Variants in PLAGL1 observed in about 807,000 individuals in gnomAD.
PLAGL1 encodes PLAG1 like zinc finger 1.
Under a neutral mutation model 4.6 loss-of-function variants are expected in PLAGL1, and 1 was observed. The ratio of observed to expected loss-of-function variants is 0.22; its 90% CI spans 0.08 to 1.03. The LOEUF is 1.03. PLAGL1 is among the 50% of genes least tolerant of loss of function. The pLI, the probability that PLAGL1 is intolerant of heterozygous loss-of-function variation, is 0.58. For synonymous variants in PLAGL1, 240 were observed against 237.8 expected, an observed-to-expected ratio of 1.01 and a Z score of -0.08; for missense variants, 464 against 570.4, an observed-to-expected ratio of 0.81 and a Z score of 1.90.
At chr6:143,987,437 C>CTGTTT (rs556596504) in intron 1 of PLAGL1, among the ~76,000 whole-genome samples, 1 of 73,940 alleles carries the variant, frequency 1.4e-5, no homozygotes, top group African/African-American at 5.2e-5. Context: ...ACCACACTGG[C>CTGTTT]TTTTTTTTTT....
At chr6:143,998,747 TG>T in intron 1 of PLAGL1, among the ~76,000 whole-genome samples, 1 of 152,124 alleles carries the variant, frequency 6.6e-6, no homozygotes, top group African/African-American at 2.4e-5. Flanking sequence ...GAACAGAGCT[TG>T]AAAAAAAATG....
chr6:144,010,224 G>C (rs1188740827), upstream of PLAGL1, among the ~76,000 whole-genome samples: 1 of 152,076 alleles, frequency 6.6e-6, no homozygotes, highest in Non-Finnish European at 1.5e-5. This position sits in a 1 kb window ranked among gnomAD's most constrained non-coding sequence, Gnocchi z 4.1. Context: ...ACTGGCATGA[G>C]ATGTTACCTG....
chr6:143,955,133 C>A lies in PLAGL1; in HGVS notation c.-325+5336G>T, dbSNP rs1038209748. ...ATAGAAGTGAAAATCATTACTAAAA[C>A]TTGAGGTGGTGGTTGTCTAGGCAGT... is the stretch of plus-strand genomic sequence containing the variant. On this transcript the variant is annotated intron_variant, in intron 6 of 7. Coordinates refer to ENST00000674357, the MANE Select transcript of PLAGL1 (RefSeq NM_001317162.2). The surrounding 1 kb of genome is among the most constrained non-coding windows in gnomAD (Gnocchi z 4.9). 6.6e-6 allele frequency among the ~76,000 whole-genome samples: 1 copy of A among 152,136 alleles called. No homozygotes were observed. The highest frequency in any genetic ancestry group is 2.4e-5 in the African/African-American group (1 of 41,422).
rs1780488284 is a variant in PLAGL1, at chr6:143,949,227, G to A, written c.-324-767C>T. On this transcript the variant is annotated intron_variant, in intron 6 of 7. Transcript: ENST00000674357. This position sits in a 1 kb window ranked among gnomAD's most constrained non-coding sequence, Gnocchi z 5.3. ...GCTACCTGCTGGTAGGCCACCTCCA[G>A]GAGATGGGCCTACTGCCTCCTCAAA... Among the ~76,000 whole-genome samples, 1 of 152,192 alleles carries A rather than the reference G, an allele frequency of 6.6e-6. No homozygotes were observed. Among genetic ancestry groups the A allele is most frequent in the African/African-American group, 2.4e-5 (1 of 41,450 alleles).
intron 1 of PLAGL1, 150 bp downstream of exon 1, chr6:144,007,940 C>G (rs949951457): frequency 6.6e-6 from 1 of 151,976 alleles, no homozygotes; most frequent in Non-Finnish European, 1.5e-5. Flanking sequence ...CGCACCCGGC[C>G]CCGCGGAGCC....
At position 143,948,218 on chromosome 6, in the gene PLAGL1, G is replaced by A; in HGVS notation, c.-82C>T. Reference sequence around the variant, plus strand: ...TAAGCACAAACAGAACGATGGTGCTGGGCACATCAGCAGAGTCCCTGCAGC... The same window carrying A: ...TAAGCACAAACAGAACGATGGTGCTAGGCACATCAGCAGAGTCCCTGCAGC... On this transcript the variant is annotated 5_prime_UTR_variant, in exon 7 of 8. Transcript: ENST00000674357. This position sits in a 1 kb window ranked among gnomAD's most constrained non-coding sequence, Gnocchi z 6.0. The A allele has an allele frequency of 7.7e-7, 1 of 1,301,356 alleles. No homozygotes were observed. Among genetic ancestry groups the A allele is most frequent in the East Asian group, 2.4e-5 (1 of 42,044 alleles). The allele number at this position is 1,301,356 out of a possible 1,614,324, so 80.6% of individuals were successfully genotyped here. A position where few individuals can be genotyped will look rare whatever the true frequency, so the allele number is the denominator to read the frequency against.
chr6:144,034,826 A>T lies in PLAGL1; in HGVS notation c.-151+29642T>A, dbSNP rs1261829435. 6.6e-6 allele frequency among the ~76,000 whole-genome samples: 1 copy of T among 152,194 alleles called. No individual in the cohort carries two copies. The highest frequency in any genetic ancestry group is 1.5e-5 in the Non-Finnish European group (1 of 68,038). On this transcript the variant is annotated intron_variant, in intron 1 of 3. Coordinates refer to the PLAGL1 transcript ENST00000437412. This position sits in a 1 kb window ranked among gnomAD's most constrained non-coding sequence, Gnocchi z 4.7. ...TGCAAGCTTTAAGCAAAGTAGATGA[A>T]CCAGGAACAAAGCATCAGCTTTGTT... is the stretch of plus-strand genomic sequence containing the variant.
intron 1 of PLAGL1, among the ~76,000 whole-genome samples, chr6:144,014,304 C>G (rs1375415540): frequency 6.6e-6 from 1 of 152,012 alleles, no homozygotes; most frequent in Non-Finnish European, 1.5e-5. Flanking sequence ...GTGGTGCACA[C>G]CTGTAATCCC....
chr6:143,986,005 T>TATATATATATATATATATATATAC (rs1789052166), intron 1 of PLAGL1, among the ~76,000 whole-genome samples: 1 of 138,218 alleles, frequency 7.2e-6, no homozygotes, highest in African/African-American at 2.6e-5. Flanking sequence ...TATATATATA[T>TATATATATATATATATATATATAC]ATATATCATT....
rs978452559 is a variant in PLAGL1, at chr6:143,955,685, G to A, written c.-325+4784C>T. ...ACCAGGGAGCTGGGCAATGGGGACC[G>A]ATCAGAAGCAGTGGACTTGCCACCA... On this transcript the variant is annotated intron_variant, in intron 6 of 7. Transcript: ENST00000674357. This position sits in a 1 kb window ranked among gnomAD's most constrained non-coding sequence, Gnocchi z 4.9. Among the ~76,000 whole-genome samples the A allele has an allele frequency of 2.0e-5, 3 of 152,112 alleles. No individual in the cohort carries two copies. The highest frequency in any genetic ancestry group is 2.1e-4 in the South Asian group (1 of 4,820).
chr6:143,984,682 A>G lies in PLAGL1; in HGVS notation c.-544+453T>C, dbSNP rs1788644949. 6.6e-6 allele frequency among the ~76,000 whole-genome samples: 1 copy of G among 152,162 alleles called. No individual in the cohort carries two copies. Among genetic ancestry groups the G allele is most frequent in the Admixed American group, 6.6e-5 (1 of 15,262 alleles). On this transcript the variant is annotated intron_variant, in intron 2 of 7. Coordinates refer to ENST00000674357, the MANE Select transcript of PLAGL1 (RefSeq NM_001317162.2). This position sits in a 1 kb window ranked among gnomAD's most constrained non-coding sequence, Gnocchi z 5.5. Reference sequence around the variant, plus strand: ...TCCTGCTAAGATGATGAAAAACAAAACCATCTCAGAAAATAACTTCTCAAA... The same window carrying G: ...TCCTGCTAAGATGATGAAAAACAAAGCCATCTCAGAAAATAACTTCTCAAA...
rs74770109 is a variant in PLAGL1, at chr6:143,959,466, G to A, written c.-325+1003C>T. On this transcript the variant is annotated intron_variant, in intron 6 of 7. Transcript: ENST00000674357. The surrounding 1 kb of genome is among the most constrained non-coding windows in gnomAD (Gnocchi z 5.3). ...CTCCCAGCCCTAACTAGAACTGCTA[G>A]GTCCTAGTAGATATGTTGGCCCTGT... Among the ~76,000 whole-genome samples the A allele has an allele frequency of 0.027, 4,051 of 152,148 alleles. 198 individuals carry two copies. Among genetic ancestry groups the A allele is most frequent in the African/African-American group, 0.094 (3,890 of 41,516 alleles).
At chr6:144,035,874 C>T (rs1189901379) in intron 1 of PLAGL1, among the ~76,000 whole-genome samples, 1 of 152,106 alleles carries the variant, frequency 6.6e-6, no homozygotes, top group Non-Finnish European at 1.5e-5. Context: ...TCTGGCACTA[C>T]TAGAGGCCCT....
At chr6:144,035,763 T>G (rs990567886) in intron 1 of PLAGL1, among the ~76,000 whole-genome samples, 2 of 152,220 alleles carry the variant, frequency 1.3e-5, no homozygotes, top group Admixed American at 6.5e-5. Flanking sequence ...TTTTTCTTCT[T>G]TTTGCCTCTA....
chr6:144,009,765 G>A (rs891048899), upstream of PLAGL1, among the ~76,000 whole-genome samples: 6 of 151,616 alleles, frequency 4.0e-5, no homozygotes, highest in East Asian at 1.9e-4. Flanking sequence ...GAGAACATGC[G>A]GTGTTTAGTT....
chr6:144,005,281 G>GA lies in PLAGL1; in HGVS notation c.-584+2808dup, dbSNP rs1007423244. 2 of 152,172 alleles carry GA rather than the reference G, an allele frequency of 1.3e-5. No individual in the cohort carries two copies. Among genetic ancestry groups the GA allele is most frequent in the Non-Finnish European group, 2.9e-5 (2 of 67,976 alleles). The allele number at this position is 152,172 out of a possible 1,614,324, so 9.4% of individuals were successfully genotyped here. A position where few individuals can be genotyped will look rare whatever the true frequency, so the allele number is the denominator to read the frequency against. Reference sequence around the variant, plus strand: ...TTAGGGGAAGAAAAAATATCACAATGAAAAAATCTTAAATTCTTAGAACTG... The same window carrying GA: ...TTAGGGGAAGAAAAAATATCACAATGAAAAAAATCTTAAATTCTTAGAACTG... On this transcript the variant is annotated intron_variant, in intron 1 of 7. Transcript: ENST00000674357. The surrounding 1 kb of genome is among the most constrained non-coding windows in gnomAD (Gnocchi z 4.6).
At chr6:144,019,078 A>T (rs1795774634) in intron 1 of PLAGL1, among the ~76,000 whole-genome samples, 1 of 152,182 alleles carries the variant, frequency 6.6e-6, no homozygotes, top group Non-Finnish European at 1.5e-5. Context: ...TTGCAAAAAC[A>T]TCAATGTTAT....
At chr6:144,031,767 T>C (rs1796850294) in intron 1 of PLAGL1, among the ~76,000 whole-genome samples, 1 of 152,198 alleles carries the variant, frequency 6.6e-6, no homozygotes, top group South Asian at 2.1e-4. Context: ...AGAGTACAGT[T>C]TGACGTTGGG....
chr6:144,023,768 CT>C (rs34002736), intron 1 of PLAGL1, among the ~76,000 whole-genome samples: 2,525 of 72,580 alleles, frequency 0.035, 7 homozygotes, highest in East Asian at 0.075. Flanking sequence ...TCATATTTAG[CT>C]TTTTTTTTTT....
Sources: allele counts gnomAD v4.1 joint callset (sites outside exome capture counted in the v4.1 genomes callset), GRCh38; gene constraint gnomAD v4.1.1; non-coding constraint Gnocchi (gnomAD v3.1); transcripts MANE v1.5; gene names NCBI Gene and HGNC (gene_info 2026-07-23, HGNC 2026-07-21).